NRG3: variants seen among roughly 807,000 people sequenced by gnomAD.
The protein encoded by NRG3 is pro-neuregulin-3, membrane-bound isoform.
NRG3 carries 31 observed loss-of-function variants against 66.9 expected under a neutral mutation model. The ratio of observed to expected loss-of-function variants is 0.46; its 90% CI spans 0.35 to 0.63. NRG3 has a LOEUF of 0.63. Among genes scored for constraint, NRG3 ranks in the 20% least tolerant of loss-of-function variants. NRG3 has a pLI of 0.00. For synonymous variants in NRG3, 393 were observed against 359.4 expected, an observed-to-expected ratio of 1.09 and a Z score of -1.06; for missense variants, 910 against 878.9, an observed-to-expected ratio of 1.04 and a Z score of -0.45.
intron 2 of NRG3, among the ~76,000 whole-genome samples, chr10:82,404,885 T>C (rs1324468524): frequency 6.6e-6 from 1 of 152,130 alleles, no homozygotes; most frequent in Admixed American, 6.6e-5. Context: ...TTTTTTTCCC[T>C]GTCAGCATGG....
At chr10:82,694,659 A>G (rs1415209786) in intron 2 of NRG3, among the ~76,000 whole-genome samples, 1 of 152,148 alleles carries the variant, frequency 6.6e-6, no homozygotes, top group African/African-American at 2.4e-5. Context: ...AGGCTGAGGC[A>G]GGAGGATCCT....
chr10:81,982,923 T>G (rs1398459569), intron 1 of NRG3, among the ~76,000 whole-genome samples: 1 of 152,200 alleles, frequency 6.6e-6, no homozygotes, highest in Non-Finnish European at 1.5e-5. Flanking sequence ...AATTTTGACT[T>G]AGGAAGAAGC....
At chr10:82,021,960 A>G (rs1191609408) in intron 1 of NRG3, among the ~76,000 whole-genome samples, 1 of 151,724 alleles carries the variant, frequency 6.6e-6, no homozygotes, top group Admixed American at 6.6e-5. Context: ...GTATACACTT[A>G]GAAATTTGGA....
intron 2 of NRG3, among the ~76,000 whole-genome samples, chr10:82,498,138 A>G: frequency 6.6e-6 from 1 of 151,600 alleles, no homozygotes; most frequent in East Asian, 1.9e-4. Context: ...TGTATTAGAT[A>G]TTAATCCTTC....
chr10:82,139,891 G>T (rs1366470843), intron 1 of NRG3, among the ~76,000 whole-genome samples: 1 of 126,836 alleles, frequency 7.9e-6, no homozygotes, highest in Admixed American at 8.0e-5. Context: ...TCATATATTT[G>T]TATTTAGATG....
intron 2 of NRG3, among the ~76,000 whole-genome samples, chr10:82,435,331 C>A (rs1411999701): frequency 6.6e-6 from 1 of 151,938 alleles, no homozygotes; most frequent in East Asian, 1.9e-4. Context: ...TGATGCTTCT[C>A]TCTTCTTCTT....
chr10:82,030,136 T>A (rs2062496678), intron 1 of NRG3, among the ~76,000 whole-genome samples: 1 of 152,112 alleles, frequency 6.6e-6, no homozygotes, highest in South Asian at 2.1e-4. Context: ...TACTCAAGTC[T>A]TTGGCTTGAG....
intron 3 of NRG3, among the ~76,000 whole-genome samples, chr10:82,829,728 T>TTG (rs1441142108): frequency 2.0e-5 from 3 of 152,174 alleles, no homozygotes; most frequent in African/African-American, 7.2e-5. Context: ...CGCCAGGTCA[T>TTG]TCAGGTTTTT....
intron 3 of NRG3, among the ~76,000 whole-genome samples, chr10:82,812,708 C>T (rs1591600536): frequency 6.6e-6 from 1 of 152,278 alleles, no homozygotes; most frequent in Admixed American, 6.5e-5. Context: ...TGAAACAAAA[C>T]TCAGGACCAT....
At chr10:82,210,015 G>T (rs2075318591) in intron 1 of NRG3, among the ~76,000 whole-genome samples, 1 of 152,090 alleles carries the variant, frequency 6.6e-6, no homozygotes, top group Non-Finnish European at 1.5e-5. Context: ...TTAATTCAAG[G>T]AAGGGTAGGA....
intron 2 of NRG3, among the ~76,000 whole-genome samples, chr10:82,678,374 C>T (rs1010051410): frequency 6.6e-6 from 1 of 151,658 alleles, no homozygotes; most frequent in African/African-American, 2.4e-5. Flanking sequence ...GTTCTCTGGC[C>T]GGCAGGGGTG....
At chr10:82,703,923 C>T (rs1288400687) in intron 2 of NRG3, among the ~76,000 whole-genome samples, 1 of 152,066 alleles carries the variant, frequency 6.6e-6, no homozygotes, top group African/African-American at 2.4e-5. Flanking sequence ...GCATATTTAT[C>T]TGAGTATCAG....
chr10:82,156,142 A>G, intron 1 of NRG3, among the ~76,000 whole-genome samples: 1 of 151,648 alleles, frequency 6.6e-6, no homozygotes, highest in Non-Finnish European at 1.5e-5. Context: ...ATTAAATTGG[A>G]CATACATCAT....
At chr10:82,241,809 C>T (rs565560789) in intron 1 of NRG3, among the ~76,000 whole-genome samples, 6 of 152,204 alleles carry the variant, frequency 3.9e-5, no homozygotes, top group South Asian at 4.1e-4. Flanking sequence ...AAGTACATCG[C>T]GAAGTCTTTG....
intron 4 of NRG3, 76 bp downstream of exon 4, chr10:82,865,513 C>T (rs781399792): frequency 5.0e-6 from 7 of 1,410,522 alleles, no homozygotes; most frequent in Admixed American, 2.0e-5. Flanking sequence ...TTTCCTTCTC[C>T]ATCTGGTTAT....
chr10:82,602,564 A>T (rs914826062), intron 2 of NRG3, among the ~76,000 whole-genome samples: 1 of 152,216 alleles, frequency 6.6e-6, no homozygotes, highest in African/African-American at 2.4e-5. Flanking sequence ...TAGCTTAAAT[A>T]GATATTTGTA....
At chr10:82,634,055 G>A (rs72829349) in intron 2 of NRG3, among the ~76,000 whole-genome samples, 2 of 152,168 alleles carry the variant, frequency 1.3e-5, no homozygotes, top group African/African-American at 4.8e-5. Context: ...GTTCATAAAG[G>A]ACAACGGGCC....
chr10:82,115,428 TAACTCTTAG>T (rs1201033185), intron 1 of NRG3, among the ~76,000 whole-genome samples: 1 of 152,184 alleles, frequency 6.6e-6, no homozygotes, highest in Admixed American at 6.5e-5. Context: ...AGAACTCCAA[TAACTCTTAG>T]TTTTACTTTG....
chr10:81,888,662 C>T (rs1842796025), intron 1 of NRG3, among the ~76,000 whole-genome samples: 1 of 151,982 alleles, frequency 6.6e-6, no homozygotes, highest in African/African-American at 2.4e-5. Context: ...TTGCATGTAC[C>T]CACCTATATG....
Sources: gnomAD v4.1 joint callset for allele counts (sites outside exome capture counted in the v4.1 genomes callset) on GRCh38, gnomAD v4.1.1 for gene constraint, MANE v1.5 for transcripts, NCBI Gene and HGNC (gene_info 2026-07-23, HGNC 2026-07-21) for gene names.